Variants in TBC1D22A observed in about 807,000 individuals in gnomAD.
The protein encoded by TBC1D22A is TBC1 domain family member 22A.
In TBC1D22A, 38 loss-of-function variants were observed where a neutral mutation model predicts 60.2. That is an observed-to-expected ratio of 0.63 (90% confidence interval 0.49 to 0.83). TBC1D22A has a LOEUF of 0.83. TBC1D22A is among the 40% of genes least tolerant of loss of function. The pLI is 0.00. For missense variants in TBC1D22A, 628 were observed against 701.0 expected, an observed-to-expected ratio of 0.90 and a Z score of 1.18; for synonymous variants, 302 against 281.7, an observed-to-expected ratio of 1.07 and a Z score of -0.72.
chr22:46,998,649 G>T (rs2075204218), intron 10 of TBC1D22A, among the ~76,000 whole-genome samples: 1 of 152,232 alleles, frequency 6.6e-6, no homozygotes, highest in South Asian at 2.1e-4. Flanking sequence ...CTCGGTTTGG[G>T]AAACTGCTGA....
intron 8 of TBC1D22A, among the ~76,000 whole-genome samples, chr22:46,973,303 C>T (rs1220392429): frequency 2.0e-5 from 3 of 152,190 alleles, no homozygotes; most frequent in Non-Finnish European, 4.4e-5. Flanking sequence ...CACGGCCCTG[C>T]CCCTCTTTAC....
chr22:46,941,237 A>ACACACACG (rs2072029202), intron 8 of TBC1D22A, among the ~76,000 whole-genome samples: 1 of 142,318 alleles, frequency 7.0e-6, no homozygotes, highest in African/African-American at 2.7e-5. Flanking sequence ...ACACACACAC[A>ACACACACG]GTCCACCCTT....
At chr22:47,107,485 T>C in intron 11 of TBC1D22A, among the ~76,000 whole-genome samples, 1 of 152,174 alleles carries the variant, frequency 6.6e-6, no homozygotes, top group Non-Finnish European at 1.5e-5. Flanking sequence ...CTATTTTCAA[T>C]ATCATCAAAA....
At chr22:46,838,017 G>A (rs962813347) in intron 4 of TBC1D22A, among the ~76,000 whole-genome samples, 3 of 152,166 alleles carry the variant, frequency 2.0e-5, no homozygotes, top group South Asian at 2.1e-4. Flanking sequence ...CCAAGATTGC[G>A]CCACTGCACT....
At chr22:46,861,523 A>G (rs1434505719) in intron 4 of TBC1D22A, among the ~76,000 whole-genome samples, 6 of 152,184 alleles carry the variant, frequency 3.9e-5, no homozygotes, top group African/African-American at 1.4e-4. Flanking sequence ...TTGTGGGAGT[A>G]GATGGCCTGG....
intron 12 of TBC1D22A, among the ~76,000 whole-genome samples, chr22:47,171,278 C>T (rs1569482238): frequency 6.6e-6 from 1 of 152,198 alleles, no homozygotes; most frequent in Non-Finnish European, 1.5e-5. Context: ...CATGGGCATC[C>T]CGAGCCTGTG....
At chr22:46,939,496 C>T (rs4823900) in intron 8 of TBC1D22A, among the ~76,000 whole-genome samples, 3,654 of 152,220 alleles carry the variant, frequency 0.024, 64 homozygotes, top group Middle Eastern at 0.051. Flanking sequence ...TCTTTTAAGA[C>T]GTTTATGGAC....
intron 11 of TBC1D22A, among the ~76,000 whole-genome samples, chr22:47,075,815 CATAT>C (rs796995087): frequency 0.012 from 1,769 of 151,912 alleles, 31 homozygotes; most frequent in African/African-American, 0.041. Context: ...CACACACACA[CATAT>C]GGACACAGAA....
At chr22:46,917,595 A>T (rs1469612493) in intron 8 of TBC1D22A, among the ~76,000 whole-genome samples, 1 of 152,082 alleles carries the variant, frequency 6.6e-6, no homozygotes, top group Admixed American at 6.5e-5. Context: ...CTGATTTAGG[A>T]TGTGCTGAGT....
intron 1 of TBC1D22A, among the ~76,000 whole-genome samples, chr22:46,767,765 G>A (rs1345410997): frequency 6.6e-6 from 1 of 152,106 alleles, no homozygotes; most frequent in African/African-American, 2.4e-5. Context: ...GGCTGGGGAA[G>A]AGCGGTCCTG....
At chr22:46,893,684 G>A (rs927834858) in intron 6 of TBC1D22A, among the ~76,000 whole-genome samples, 4 of 152,238 alleles carry the variant, frequency 2.6e-5, no homozygotes, top group African/African-American at 9.6e-5. Context: ...CCTTGTCCCT[G>A]CTGGCACCTG....
intron 4 of TBC1D22A, among the ~76,000 whole-genome samples, chr22:46,805,706 G>C (rs2085096688): frequency 6.6e-6 from 1 of 152,216 alleles, no homozygotes. Flanking sequence ...TGGAAACAGA[G>C]AGGTGGGATG....
At chr22:47,129,599 C>T (rs546943785) in intron 12 of TBC1D22A, among the ~76,000 whole-genome samples, 3 of 152,362 alleles carry the variant, frequency 2.0e-5, no homozygotes, top group South Asian at 2.1e-4. Context: ...AGCCATTTTC[C>T]TGTCACCTTA....
intron 11 of TBC1D22A, among the ~76,000 whole-genome samples, chr22:47,086,961 G>A (rs1354579293): frequency 6.6e-6 from 1 of 152,216 alleles, no homozygotes; most frequent in Non-Finnish European, 1.5e-5. Context: ...TGTGAAACTG[G>A]CTGAATAAGC....
chr22:47,113,817 C>T (rs1467370360), intron 12 of TBC1D22A, among the ~76,000 whole-genome samples: 1 of 152,114 alleles, frequency 6.6e-6, no homozygotes, highest in Non-Finnish European at 1.5e-5. Context: ...AGGCCATGAG[C>T]CCCTCAGGGT....
chr22:46,796,908 C>T (rs987002361), intron 3 of TBC1D22A, among the ~76,000 whole-genome samples: 3 of 152,228 alleles, frequency 2.0e-5, no homozygotes, highest in Non-Finnish European at 4.4e-5. Flanking sequence ...GAGGGCCAGG[C>T]AGGTGGCGGG....
chr22:47,016,671 G>A (rs565092871), intron 10 of TBC1D22A, among the ~76,000 whole-genome samples: 9 of 152,338 alleles, frequency 5.9e-5, no homozygotes, highest in South Asian at 2.1e-4. Flanking sequence ...TCCTTTGTCC[G>A]CTGCACGAGT....
intron 11 of TBC1D22A, among the ~76,000 whole-genome samples, chr22:47,049,411 T>G (rs533473952): frequency 6.6e-6 from 1 of 152,378 alleles, no homozygotes; most frequent in East Asian, 1.9e-4. Context: ...GGCGCTGCTC[T>G]GAGTAAACCT....
At chr22:46,994,341 C>T (rs1245846314) in intron 9 of TBC1D22A, among the ~76,000 whole-genome samples, 12 of 150,606 alleles carry the variant, frequency 8.0e-5, no homozygotes, top group African/African-American at 2.0e-4. Flanking sequence ...TGTTGAGGGC[C>T]GGGCCCTGCC....
Sources: gnomAD v4.1 joint callset for allele counts (sites outside exome capture counted in the v4.1 genomes callset) on GRCh38, gnomAD v4.1.1 for gene constraint, MANE v1.5 for transcripts, NCBI Gene and HGNC (gene_info 2026-07-23, HGNC 2026-07-21) for gene names.